The following ASXL3 variants were observed in gnomAD, a reference collection of about 807,000 sequenced individuals.
ASXL3 encodes the protein putative Polycomb group protein ASXL3.
Under a neutral mutation model 170.6 loss-of-function variants are expected in ASXL3, and 34 were observed. The ratio of observed to expected loss-of-function variants is 0.20; its 90% CI spans 0.15 to 0.27. ASXL3 has a LOEUF of 0.27. Ranked by LOEUF, ASXL3 falls within the 10% of genes least tolerant of loss-of-function variation. The pLI is 1.00. For missense variants in ASXL3, 2,592 were observed against 2,695.3 expected, an observed-to-expected ratio of 0.96 and a Z score of 0.85; for synonymous variants, 1,002 against 989.1, an observed-to-expected ratio of 1.01 and a Z score of -0.24.
intron 2 of ASXL3, among the ~76,000 whole-genome samples, chr18:33,610,321 G>T (rs1416332830): frequency 1.3e-5 from 2 of 151,988 alleles, no homozygotes; most frequent in Admixed American, 6.6e-5. Flanking sequence ...TAATATGCCT[G>T]ATTAAATACA....
intron 2 of ASXL3, among the ~76,000 whole-genome samples, chr18:33,638,116 A>G (rs2065796116): frequency 6.6e-6 from 1 of 150,400 alleles, no homozygotes; most frequent in African/African-American, 2.5e-5. Context: ...ATATATGTAT[A>G]TATGTGCATG....
intron 2 of ASXL3, among the ~76,000 whole-genome samples, chr18:33,615,324 C>A (rs535882525): frequency 1.1e-4 from 17 of 152,202 alleles, no homozygotes; most frequent in Admixed American, 5.2e-4. Context: ...TTTTCTTCTG[C>A]GGCTTCCTTA....
At chr18:33,653,390 A>G (rs952984712) in intron 4 of ASXL3, among the ~76,000 whole-genome samples, 2 of 152,086 alleles carry the variant, frequency 1.3e-5, no homozygotes, top group African/African-American at 4.8e-5. Flanking sequence ...CTTTCATCCA[A>G]CAGCTCTGCA....
rs2067508458 is a variant in ASXL3 at position 33,734,297 on chromosome 18, A to G, written c.977-13A>G. 1 of 1,569,160 alleles carries G rather than the reference A, an allele frequency of 6.4e-7. No individual in the cohort carries two copies. Among genetic ancestry groups the G allele is most frequent in the Admixed American group, 1.9e-5 (1 of 53,028 alleles). ...GACCACATTTATTCAATACATTAGC[A>G]TTTTCTTTTTAGGAGAGTTTACCCC... On this transcript the variant is annotated splice_polypyrimidine_tract_variant and intron_variant, in intron 9 of 11. Transcript: ENST00000269197.
chr18:33,728,909 G>A (rs1446906184), intron 8 of ASXL3, among the ~76,000 whole-genome samples: 1 of 152,064 alleles, frequency 6.6e-6, no homozygotes, highest in Non-Finnish European at 1.5e-5. Flanking sequence ...ACTACCTAGA[G>A]TGGTGCTTCA....
intron 10 of ASXL3, among the ~76,000 whole-genome samples, chr18:33,737,640 G>T (rs2067570749): frequency 6.6e-6 from 1 of 152,100 alleles, no homozygotes; most frequent in Non-Finnish European, 1.5e-5. Context: ...GAATTTAAAA[G>T]TCTTGCTTCA....
At chr18:33,620,223 G>C (rs886423553) in intron 2 of ASXL3, among the ~76,000 whole-genome samples, 2 of 152,152 alleles carry the variant, frequency 1.3e-5, no homozygotes, top group Non-Finnish European at 2.9e-5. Context: ...TCTCTAGCAT[G>C]TCTGCAGGAA....
At chr18:33,620,825 A>G (rs1050488095) in intron 2 of ASXL3, among the ~76,000 whole-genome samples, 2 of 152,104 alleles carry the variant, frequency 1.3e-5, no homozygotes, top group African/African-American at 4.8e-5. Context: ...ACTTCCAACC[A>G]CCTAATTTCC....
intron 1 of ASXL3, among the ~76,000 whole-genome samples, chr18:33,598,790 T>G (rs1295998074): frequency 6.6e-6 from 1 of 152,174 alleles, no homozygotes; most frequent in Admixed American, 6.6e-5. Flanking sequence ...CAGGAGGTAT[T>G]GTGGATAACC....
chr18:33,614,014 G>T (rs1215805701), intron 2 of ASXL3, among the ~76,000 whole-genome samples: 3 of 152,120 alleles, frequency 2.0e-5, no homozygotes, highest in African/African-American at 7.2e-5. Context: ...GATGGCTGCT[G>T]ACTGATCAGG....
chr18:33,601,050 G>C (rs1034989220), intron 1 of ASXL3, among the ~76,000 whole-genome samples: 1 of 152,080 alleles, frequency 6.6e-6, no homozygotes, highest in African/African-American at 2.4e-5. Flanking sequence ...AGGAAACCAG[G>C]CACAGTATGG....
rs780013400 is a variant in ASXL3, at chr18:33,745,910, C to T, written c.6062C>T (p.Pro2021Leu). The part of the protein sequence containing the change: ...NKALVHPPPP[P>L]PPPPPPPLAL... ...GCACTAGTACATCCGCCGCCGCCACCGCCTCCCCCTCCCCCTCCACCCTTG... is the reference window on the plus strand; with the variant it reads ...GCACTAGTACATCCGCCGCCGCCACTGCCTCCCCCTCCCCCTCCACCCTTG... The change falls in exon 12 of 12, where the codon CCG becomes CTG. Residue 2021 changes from proline to leucine, a missense_variant. By Grantham distance (98) the Pro-to-Leu change is moderately conservative. Around this residue, in one of 4 missense-constraint regions of ASXL3, gnomAD observed 2,246 missense variants for 2,219.6 expected, o/e 1.01. Transcript: ENST00000269197. The T allele has an allele frequency of 1.0e-5, 16 of 1,600,784 alleles. No homozygotes were observed. The highest frequency in any genetic ancestry group is 6.8e-5 in the East Asian group (3 of 44,412).
chr18:33,630,739 G>A (rs2065664893), intron 2 of ASXL3, among the ~76,000 whole-genome samples: 1 of 151,902 alleles, frequency 6.6e-6, no homozygotes, highest in East Asian at 1.9e-4. Context: ...AGGGGTAGGA[G>A]GATGAATCAA....
In ASXL3 at chr18:33,747,808, T is replaced by C. The variant is rs930329203; in HGVS notation, c.*1213T>C. ...TCAGGTATATTCAATACATTCTTCATATTTGGGGGAACTGCTTTTGAAAAA... is the reference window on the plus strand; with the variant it reads ...TCAGGTATATTCAATACATTCTTCACATTTGGGGGAACTGCTTTTGAAAAA... On this transcript the variant is annotated 3_prime_UTR_variant, in exon 12 of 12. Coordinates refer to ENST00000269197, the MANE Select transcript of ASXL3 (RefSeq NM_030632.3). 1 of 152,212 alleles carries C rather than the reference T, an allele frequency of 6.6e-6. No individual in the cohort carries two copies. The highest frequency in any genetic ancestry group is 1.5e-5 in the Non-Finnish European group (1 of 68,038). 9.4% of individuals were successfully genotyped at this position (152,212 alleles called of 1,614,324 possible). A position where few individuals can be genotyped will look rare whatever the true frequency, so the allele number is the denominator to read the frequency against.
chr18:33,666,455 T>C (rs1450003122), intron 5 of ASXL3, among the ~76,000 whole-genome samples: 4 of 152,188 alleles, frequency 2.6e-5, no homozygotes, highest in Non-Finnish European at 5.9e-5. Context: ...ATCCCCTCTT[T>C]TAGGGTACCC....
At position 33,744,984 on chromosome 18, in the gene ASXL3, C is replaced by T; in HGVS notation, c.5136C>T (p.Thr1712=). ...AAACACAGAACATGAAAGCTTCCAC[C>T]TCAAGTCCCATGGAAGAGGCTATTT... ...VQQTQNMKAS[T]SSPMEEAISL... Residue 1712 remains threonine (T), a synonymous_variant, in exon 12 of 12, where the codon ACC becomes ACT. Transcript: ENST00000269197. 7 of 1,613,996 alleles carry T rather than the reference C, an allele frequency of 4.3e-6. No individual in the cohort carries two copies. The highest frequency in any genetic ancestry group is 5.9e-6 in the Non-Finnish European group (7 of 1,179,898).
chr18:33,640,675 C>T lies in ASXL3; in HGVS notation c.138-4219C>T, dbSNP rs559097297. Among the ~76,000 whole-genome samples, 18 of 152,184 alleles carry T rather than the reference C, an allele frequency of 1.2e-4. No individual in the cohort carries two copies. In the South Asian group the frequency reaches 3.5e-3, roughly 30 times the overall value. ...AAATGTTACTTGCACCTGAGACCCA[C>T]CTAACTTACTCTTAAAATATATTCT... On this transcript the variant is annotated intron_variant, in intron 2 of 11. Transcript: ENST00000269197.
Position 33,743,503 on chromosome 18 carries a change from T to C in ASXL3, c.3655T>C (p.Ser1219Pro), listed in dbSNP as rs2067704370. ...VSHLSEKIVS[S>P]TSSENSSVPM... is the part of the protein sequence containing the mutation. ...ACATTTATCTGAGAAAATTGTTTCA[T>C]CTACCTCTTCTGAAAATAGCAGTGT... The change falls in exon 12 of 12, where the codon TCT becomes CCT. Residue 1219 changes from serine to proline, a missense_variant. Physicochemically the swap from Ser to Pro is moderately conservative, Grantham distance 74. Coordinates refer to ENST00000269197, the MANE Select transcript of ASXL3 (RefSeq NM_030632.3). 1 of 1,613,488 alleles carries C rather than the reference T, an allele frequency of 6.2e-7. No homozygotes were observed. The highest frequency in any genetic ancestry group is 1.3e-5 in the African/African-American group (1 of 74,934).
At chr18:33,694,137 T>C (rs1388828462) in intron 8 of ASXL3, among the ~76,000 whole-genome samples, 2 of 152,140 alleles carry the variant, frequency 1.3e-5, no homozygotes, top group African/African-American at 4.8e-5. Flanking sequence ...TGGTAGCAGA[T>C]AGGTAGAATT....
Sources: allele counts gnomAD v4.1 joint callset (sites outside exome capture counted in the v4.1 genomes callset), GRCh38; gene constraint gnomAD v4.1.1; regional missense constraint gnomAD v4.1.1; transcripts MANE v1.5; gene names NCBI Gene and HGNC (gene_info 2026-07-23, HGNC 2026-07-21).